Variants in ADCY2 observed in about 807,000 individuals in gnomAD.
ADCY2 encodes adenylate cyclase type 2.
A neutral mutation model predicts 125.2 loss-of-function variants in ADCY2; 31 were observed. The observed-to-expected ratio is 0.25, with a 90% CI of 0.19 to 0.33. ADCY2 has a LOEUF of 0.33. ADCY2 is among the 10% of genes least tolerant of loss of function. The pLI is 1.00. For missense variants in ADCY2, 904 were observed against 1,418.2 expected, an observed-to-expected ratio of 0.64 and a Z score of 5.82; for synonymous variants, 512 against 548.4, an observed-to-expected ratio of 0.93 and a Z score of 0.93.
chr5:7,432,971 T>C (rs983241922), intron 2 of ADCY2, among the ~76,000 whole-genome samples: 1 of 152,224 alleles, frequency 6.6e-6, no homozygotes, highest in Non-Finnish European at 1.5e-5. Flanking sequence ...GGGTGTAAGA[T>C]GGTGTATAGG....
intron 15 of ADCY2, among the ~76,000 whole-genome samples, chr5:7,749,576 C>T (rs1201968521): frequency 6.6e-6 from 1 of 152,114 alleles, no homozygotes; most frequent in Admixed American, 6.5e-5. Context: ...TTCTAAACTA[C>T]CTGAGGCAGA....
intron 16 of ADCY2, among the ~76,000 whole-genome samples, chr5:7,758,954 C>T (rs185414380): frequency 5.9e-5 from 9 of 152,234 alleles, no homozygotes; most frequent in Admixed American, 2.6e-4. Flanking sequence ...CCAGGTCACG[C>T]GAGAGATCGT....
At chr5:7,753,634 G>T (rs1742897055) in intron 15 of ADCY2, among the ~76,000 whole-genome samples, 1 of 152,140 alleles carries the variant, frequency 6.6e-6, no homozygotes, top group Admixed American at 6.5e-5. Context: ...CATATCAAGA[G>T]CCAAGTTGTA....
chr5:7,748,828 T>C (rs1742715603), intron 15 of ADCY2, among the ~76,000 whole-genome samples: 1 of 152,230 alleles, frequency 6.6e-6, no homozygotes, highest in Non-Finnish European at 1.5e-5. Context: ...GGCTCATTTA[T>C]GGTCACAAGG....
intron 1 of ADCY2, among the ~76,000 whole-genome samples, chr5:7,410,824 T>G (rs994247347): frequency 6.6e-6 from 1 of 152,152 alleles, no homozygotes; most frequent in African/African-American, 2.4e-5. Flanking sequence ...TTTGCTTATT[T>G]TAAGCTAGTC....
At chr5:7,651,181 C>T (rs1291955198) in intron 4 of ADCY2, among the ~76,000 whole-genome samples, 1 of 152,052 alleles carries the variant, frequency 6.6e-6, no homozygotes, top group East Asian at 1.9e-4. Context: ...ATAGAGGAAA[C>T]AATACAAAAA....
At chr5:7,593,314 G>A (rs1415898051) in intron 3 of ADCY2, among the ~76,000 whole-genome samples, 1 of 152,208 alleles carries the variant, frequency 6.6e-6, no homozygotes, top group Non-Finnish European at 1.5e-5. Flanking sequence ...AGTGTAAAGT[G>A]TGAAACTAGC....
At chr5:7,590,403 A>G (rs1051364514) in intron 3 of ADCY2, among the ~76,000 whole-genome samples, 3 of 152,220 alleles carry the variant, frequency 2.0e-5, no homozygotes, top group African/African-American at 4.8e-5. Context: ...TTACATTTAA[A>G]TGTTGGCTAT....
chr5:7,766,942 A>G, intron 17 of ADCY2, 136 bp downstream of exon 17: 1 of 1,174,890 alleles, frequency 8.5e-7, no homozygotes, highest in Non-Finnish European at 1.1e-6. Flanking sequence ...GTGGTTCTGA[A>G]TTTACAAATG....
At chr5:7,417,559 C>T (rs1404461042) in intron 2 of ADCY2, among the ~76,000 whole-genome samples, 3 of 152,140 alleles carry the variant, frequency 2.0e-5, no homozygotes, top group African/African-American at 4.8e-5. Context: ...TCCAGTAATA[C>T]AATGTTTGCT....
chr5:7,743,976 G>A (rs1280824093), intron 15 of ADCY2, among the ~76,000 whole-genome samples: 5 of 152,134 alleles, frequency 3.3e-5, no homozygotes, highest in African/African-American at 4.8e-5. Flanking sequence ...CAAAACGTTC[G>A]ATGTCACATC....
intron 3 of ADCY2, among the ~76,000 whole-genome samples, chr5:7,597,495 C>G (rs1393770458): frequency 6.6e-6 from 1 of 152,200 alleles, no homozygotes; most frequent in East Asian, 1.9e-4. Flanking sequence ...GCAGTAGTGG[C>G]CAGGCGCAGT....
At position 7,505,655 on chromosome 5, in the gene ADCY2, A is replaced by T. The variant is rs551974910; in HGVS notation, c.409-15083A>T. The stretch of plus-strand genomic sequence containing the variant: ...CCTATTGAGATTGTCCTCTTTCAGT[A>T]AGGAGAAAAGCAAACAAAGGCATTT... On this transcript the variant is annotated intron_variant, in intron 2 of 24. Coordinates refer to ENST00000338316, the MANE Select transcript of ADCY2 (RefSeq NM_020546.3). 2.0e-5 allele frequency among the ~76,000 whole-genome samples: 3 copies of T among 152,338 alleles called. No individual in the cohort carries two copies. The South Asian group carries it at 6.2e-4, about 32-fold the overall frequency.
chr5:7,431,690 G>T (rs1416173427), intron 2 of ADCY2, among the ~76,000 whole-genome samples: 3 of 152,002 alleles, frequency 2.0e-5, no homozygotes, highest in Non-Finnish European at 4.4e-5. Flanking sequence ...ATCTGACCAA[G>T]GACTTTTACT....
At chr5:7,444,507 C>T (rs943134034) in intron 2 of ADCY2, among the ~76,000 whole-genome samples, 2 of 151,984 alleles carry the variant, frequency 1.3e-5, no homozygotes, top group Non-Finnish European at 2.9e-5. Context: ...CATTTTTTGG[C>T]TGCATGTTTC....
intron 3 of ADCY2, among the ~76,000 whole-genome samples, chr5:7,589,077 G>A (rs1736723067): frequency 6.6e-6 from 1 of 152,120 alleles, no homozygotes; most frequent in Non-Finnish European, 1.5e-5. Context: ...GTGAAATGCA[G>A]CAGGTAAAAC....
At chr5:7,693,404 C>CTT (rs1561170612) in intron 5 of ADCY2, among the ~76,000 whole-genome samples, 2 of 75,744 alleles carry the variant, frequency 2.6e-5, no homozygotes, top group Non-Finnish European at 5.2e-5. Flanking sequence ...CAATTGCCTG[C>CTT]TGTTTTTTGT....
chr5:7,507,461 AGGT>A (rs1743881596), intron 2 of ADCY2, among the ~76,000 whole-genome samples: 4 of 114,110 alleles, frequency 3.5e-5, no homozygotes, highest in Non-Finnish European at 7.5e-5. Flanking sequence ...AAAAAAAAAA[AGGT>A]AACAAAGCCA....
chr5:7,600,688 G>T (rs549285191), intron 3 of ADCY2, among the ~76,000 whole-genome samples: 1 of 152,276 alleles, frequency 6.6e-6, no homozygotes, highest in African/African-American at 2.4e-5. Context: ...TAAGATAATG[G>T]CATCCATCAG....
Sources: allele counts gnomAD v4.1 joint callset (sites outside exome capture counted in the v4.1 genomes callset), GRCh38; gene constraint gnomAD v4.1.1; transcripts MANE v1.5; gene names NCBI Gene and HGNC (gene_info 2026-07-23, HGNC 2026-07-21).